CLEC10A: variants seen among roughly 807,000 people sequenced by gnomAD.
The protein encoded by CLEC10A is C-type lectin domain containing 10A, also known as C-type lectin domain family 10 member A.
A neutral mutation model predicts 42.0 loss-of-function variants in CLEC10A; 38 were observed. The observed-to-expected ratio is 0.90, with a 90% CI of 0.70 to 1.18. The LOEUF (loss-of-function observed/expected upper bound fraction) is 1.18, where lower values mean the gene tolerates loss of function less well. CLEC10A is among the 50% of genes most tolerant of loss of function. The pLI is 0.00. For missense variants in CLEC10A, 298 were observed against 345.9 expected (o/e 0.86, Z 1.10); for synonymous variants, 126 against 139.9 (o/e 0.90, Z 0.70).
chr17:7,074,745 G>A lies in CLEC10A; in HGVS notation c.*309C>T, dbSNP rs944112802. ...GGGGGCGATGGCAATGTTATCTATT[G>A]CGATCGGAGTGGTAGTCACCTAGGC... On this transcript the variant is annotated 3_prime_UTR_variant, in exon 9 of 9. Transcript: ENST00000416562. 2.9e-5 allele frequency: 6 copies of A among 206,546 alleles called. No individual in the cohort carries two copies. The East Asian group carries it at 4.2e-4, about 15-fold the overall frequency. The allele number at this position is 206,546 out of a possible 1,614,324, so 12.8% of individuals were successfully genotyped here.
At chr17:7,078,152 A>C (rs771876447) in intron 2 of CLEC10A, 39 bp from the exon 3 acceptor site, 1 of 1,490,218 alleles carries the variant, frequency 6.7e-7, no homozygotes. Context: ...GAGGGTCCAG[A>C]CACCGGAGAC....
rs1911629397 is a variant in CLEC10A, at chr17:7,074,945, C to T, written c.*109G>A. ...AAATTCAAAATGTTAGCAGTGCTTC[C>T]AATCTCCCAGTGCTTATTTCTCTCC... On this transcript the variant is annotated 3_prime_UTR_variant, in exon 9 of 9. Coordinates refer to ENST00000416562, the MANE Select transcript of CLEC10A (RefSeq NM_001330070.2). 3.7e-6 allele frequency: 3 copies of T among 817,902 alleles called. No individual in the cohort carries two copies. Among genetic ancestry groups the T allele is most frequent in the African/African-American group, 3.5e-5 (2 of 56,600 alleles). 50.7% of individuals were successfully genotyped at this position (817,902 alleles called of 1,614,324 possible). A position where few individuals can be genotyped will look rare whatever the true frequency, so the allele number is the denominator to read the frequency against.
At position 7,077,803 on chromosome 17, in the gene CLEC10A, G is replaced by C. The variant is rs183255449; in HGVS notation, c.184+194C>G. 3.1e-3 allele frequency among the ~76,000 whole-genome samples: 200 copies of C among 64,730 alleles called. No individual in the cohort carries two copies. The highest frequency in any genetic ancestry group is 5.3e-3 in the Non-Finnish European group (168 of 31,564). 42.5% of individuals were successfully genotyped at this position (64,730 alleles called of 152,430 possible). On this transcript the variant is annotated intron_variant, in intron 3 of 8. Coordinates refer to ENST00000416562, the MANE Select transcript of CLEC10A (RefSeq NM_001330070.2). ...ATCAGTGCTTCAGTGGCTCTGTTGT[G>C]ACCCCCATGACTGTTGGTAGCACTG... is the stretch of plus-strand genomic sequence containing the variant.
In CLEC10A at chr17:7,077,344, A is replaced by G. The variant is rs73242041; in HGVS notation, c.185-357T>C. On this transcript the variant is annotated intron_variant, in intron 3 of 8. Coordinates refer to ENST00000416562, the MANE Select transcript of CLEC10A (RefSeq NM_001330070.2). ...CATCACCATTCCCATCAATCACTCC[A>G]TCAGTGCTCCGACCACTGTTCTCAT... Among the ~76,000 whole-genome samples, 1,152 of 130,510 alleles carry G rather than the reference A, an allele frequency of 8.8e-3. 28 individuals carry two copies. The highest frequency in any genetic ancestry group is 0.032 in the African/African-American group (1,089 of 34,102). 85.6% of individuals were successfully genotyped at this position (130,510 alleles called of 152,430 possible).
At chr17:7,076,307 C>CA (rs1354728026) in intron 5 of CLEC10A, among the ~76,000 whole-genome samples, 1 of 121,130 alleles carries the variant, frequency 8.3e-6, no homozygotes, top group East Asian at 2.4e-4. Context: ...TTCTTTCTTT[C>CA]TTTTTTTTTT....
Position 7,075,032 on chromosome 17 carries a change from G to A in CLEC10A, c.*22C>T, listed in dbSNP as rs375775825. On this transcript the variant is annotated 3_prime_UTR_variant, in exon 9 of 9. Coordinates refer to ENST00000416562, the MANE Select transcript of CLEC10A (RefSeq NM_001330070.2). ...TCCTCCCACCGCCATTTCTGTGGCCGGGTGGTCCCACCAAAGGCAGCTCAG... is the reference window on the plus strand; with the variant it reads ...TCCTCCCACCGCCATTTCTGTGGCCAGGTGGTCCCACCAAAGGCAGCTCAG... The A allele has an allele frequency of 4.7e-5, 72 of 1,525,424 alleles. No homozygotes were observed. Among genetic ancestry groups the A allele is most frequent in the Middle Eastern group, 2.2e-4 (1 of 4,540 alleles). 94.5% of individuals were successfully genotyped at this position (1,525,424 alleles called of 1,614,324 possible).
At chr17:7,076,183 T>TTGGGGGC in intron 5 of CLEC10A, 112 bp from the exon 6 acceptor site, 1 of 1,589,652 alleles carries the variant, frequency 6.3e-7, no homozygotes, top group Non-Finnish European at 8.6e-7. Context: ...GAATGTTCCT[T>TTGGGGGC]CCCGCCCCCA....
intron 5 of CLEC10A, 28 bp downstream of exon 5, chr17:7,076,705 C>G: frequency 6.2e-7 from 1 of 1,612,438 alleles, no homozygotes; most frequent in Non-Finnish European, 8.5e-7. Flanking sequence ...GCCTAGCCCC[C>G]CACACCCATA....
chr17:7,074,891 A>G lies in CLEC10A; in HGVS notation c.*163T>C. 1 of 488,048 alleles carries G rather than the reference A, an allele frequency of 2.0e-6. No individual in the cohort carries two copies. 30.2% of individuals were successfully genotyped at this position (488,048 alleles called of 1,614,324 possible). On this transcript the variant is annotated 3_prime_UTR_variant, in exon 9 of 9. Transcript: ENST00000416562. ...AAAAAAATAAAAGCTTAAGAACACT[A>G]TACCATCTTTTTAAAATTAAAGAGA...
chr17:7,078,508 G>C, intron 2 of CLEC10A: 2 of 565,870 alleles, frequency 3.5e-6, no homozygotes, highest in Non-Finnish European at 3.2e-6. Flanking sequence ...CTCCACCAAT[G>C]CGCAGCTCTC....
chr17:7,078,873 G>T lies in CLEC10A; in HGVS notation c.-61C>A, dbSNP rs913318481. ...GAAATGGAGGCAGGGCCGGCGCCCA[G>T]TCTGGGGTGGAGCTGGGGAATAGGA... On this transcript the variant is annotated 5_prime_UTR_variant, in exon 2 of 9. The change creates a new upstream start codon in the 5' untranslated region. Coordinates refer to ENST00000416562, the MANE Select transcript of CLEC10A (RefSeq NM_001330070.2). The T allele has an allele frequency of 6.6e-7, 1 of 1,525,936 alleles. No homozygotes were observed. Among genetic ancestry groups the T allele is most frequent in the Non-Finnish European group, 9.1e-7 (1 of 1,099,598 alleles). 94.5% of individuals were successfully genotyped at this position (1,525,936 alleles called of 1,614,324 possible).
intron 4 of CLEC10A, 42 bp from the exon 5 acceptor site, chr17:7,076,846 TC>T: frequency 1.2e-6 from 2 of 1,613,546 alleles, no homozygotes; most frequent in East Asian, 4.5e-5. Flanking sequence ...AACTTCCTCC[TC>T]CCTGGCCTGG....
chr17:7,077,445 A>G (rs1381029407), intron 3 of CLEC10A, among the ~76,000 whole-genome samples: 1 of 105,884 alleles, frequency 9.4e-6, no homozygotes, highest in East Asian at 3.0e-4. Context: ...CCCATCGATC[A>G]CTGCATCAGT....
rs751692946 is a variant in CLEC10A at position 7,075,158 on chromosome 17, C to T, written c.766G>A (p.Ala256Thr). Reference protein sequence around the residue: ...GHGLGGGEDCAHFHPDGRWND... With the variant: ...GHGLGGGEDCTHFHPDGRWND... ...CACCTGCCGTCTGGATGGAAGTGAG[C>T]ACAGTCCTCGCCTCCACCCAGCCCG... Residue 256 changes from alanine (A) to threonine (T), a missense_variant, in exon 9 of 9, where the codon GCT (alanine) becomes ACT (threonine). Physicochemically the swap from Ala to Thr is moderately conservative, Grantham distance 58 (BLOSUM62 0). Around this residue, in one of 3 missense-constraint regions of CLEC10A, gnomAD observed 267 missense variants for 289.5 expected, o/e 0.92. Coordinates refer to ENST00000416562, the MANE Select transcript of CLEC10A (RefSeq NM_001330070.2). 2.5e-5 allele frequency: 40 copies of T among 1,607,078 alleles called. No individual in the cohort carries two copies. Among genetic ancestry groups the T allele is most frequent in the African/African-American group, 4.0e-5 (3 of 74,492 alleles).
chr17:7,075,751 T>A lies in CLEC10A; in HGVS notation c.574A>T (p.Ile192Phe). The change falls in exon 7 of 9, where the codon ATC (isoleucine) becomes TTC (phenylalanine). Residue 192 changes from isoleucine to phenylalanine, a missense_variant. Coordinates refer to ENST00000416562, the MANE Select transcript of CLEC10A (RefSeq NM_001330070.2). ...CQLKNAHLVV[I>F]NSREEQNFVQ... ...CTCACCTGCTCCTCCCTGGAGTTGA[T>A]GACCACCAGGTGGGCGTTCTTCAGC... 1.2e-6 allele frequency: 2 copies of A among 1,614,226 alleles called. No homozygotes were observed. Among genetic ancestry groups the A allele is most frequent in the Non-Finnish European group, 8.5e-7 (1 of 1,180,038 alleles).
rs1211729995 is a variant in CLEC10A, at chr17:7,074,913, G to A, written c.*141C>T. Reference sequence around the variant, plus strand: ...ACTATACCATCTTTTTAAAATTAAAGAGAAAAAAATTCAAAATGTTAGCAG... The same window carrying A: ...ACTATACCATCTTTTTAAAATTAAAAAGAAAAAAATTCAAAATGTTAGCAG... On this transcript the variant is annotated 3_prime_UTR_variant, in exon 9 of 9. Coordinates refer to ENST00000416562, the MANE Select transcript of CLEC10A (RefSeq NM_001330070.2). The A allele has an allele frequency of 3.5e-6, 2 of 573,342 alleles. No homozygotes were observed. The highest frequency in any genetic ancestry group is 1.9e-5 in the African/African-American group (1 of 51,616). The allele number at this position is 573,342 out of a possible 1,614,324, so 35.5% of individuals were successfully genotyped here.
chr17:7,075,331 A>G (rs1911659509), intron 8 of CLEC10A, 29 bp downstream of exon 8: 1 of 1,510,228 alleles, frequency 6.6e-7, no homozygotes. Context: ...GACGGAGGAC[A>G]TTGGCACAGA....
At chr17:7,076,649 G>A in intron 5 of CLEC10A, 84 bp downstream of exon 5, 1 of 1,433,050 alleles carries the variant, frequency 7.0e-7, no homozygotes, top group Non-Finnish European at 9.8e-7. Context: ...GAAGGGGAGG[G>A]CAGTTCAGCA....
chr17:7,075,671 C>T, intron 7 of CLEC10A, 60 bp downstream of exon 7: 1 of 1,613,002 alleles, frequency 6.2e-7, no homozygotes, highest in Non-Finnish European at 8.5e-7. Context: ...TGCGGCCAAG[C>T]TTAAGAACCA....
Sources: gnomAD v4.1 joint callset for allele counts (sites outside exome capture counted in the v4.1 genomes callset) on GRCh38, gnomAD v4.1.1 for gene constraint, gnomAD v4.1.1 regional missense constraint, MANE v1.5 for transcripts, NCBI Gene and HGNC (gene_info 2026-07-23, HGNC 2026-07-21) for gene names.